Variants in NECAP1 observed in about 807,000 individuals in gnomAD.
NECAP1 encodes NECAP endocytosis associated 1, also known as adaptin ear-binding coat-associated protein 1.
In NECAP1, 13 loss-of-function variants were observed where a neutral mutation model predicts 33.4. The observed-to-expected ratio is 0.39, with a 90% CI of 0.25 to 0.62. NECAP1 has a LOEUF of 0.62. Ranked by LOEUF, NECAP1 falls within the 20% of genes least tolerant of loss-of-function variation. The pLI is 0.52. For missense variants in NECAP1, 272 were observed against 347.4 expected, an observed-to-expected ratio of 0.78 and a Z score of 1.73; for synonymous variants, 109 against 125.2, an observed-to-expected ratio of 0.87 and a Z score of 0.86.
chr12:8,091,726 A>G (rs1294725146), intron 3 of NECAP1, 43 bp from the exon 4 acceptor site: 5 of 1,589,520 alleles, frequency 3.1e-6, no homozygotes, highest in Non-Finnish European at 4.3e-6. Context: ...GGCTCCTGCC[A>G]TAGAGGATAC....
intron 1 of NECAP1, among the ~76,000 whole-genome samples, chr12:8,084,615 A>C (rs546664566): frequency 9.3e-4 from 140 of 150,972 alleles, no homozygotes; most frequent in Admixed American, 2.4e-3. Context: ...TCACTGTTCA[A>C]CTCCCACTTG....
chr12:8,090,360 GAA>G (rs1259418859), intron 3 of NECAP1, 61 bp downstream of exon 3: 5 of 1,390,578 alleles, frequency 3.6e-6, no homozygotes, highest in Non-Finnish European at 5.1e-6. Context: ...GCACAGCCAT[GAA>G]AAGTGTTTCC....
chr12:8,093,790 C>A (rs1947571330), intron 6 of NECAP1: 1 of 151,746 alleles, frequency 6.6e-6, no homozygotes, highest in Non-Finnish European at 1.5e-5. Context: ...TAATTACCAC[C>A]CCAAGGTCAT....
At chr12:8,093,375 T>A in intron 6 of NECAP1, 1 of 287,456 alleles carries the variant, frequency 3.5e-6, no homozygotes, top group Non-Finnish European at 6.5e-6. Flanking sequence ...TTGAATGTGC[T>A]TGGTAAACAT....
chr12:8,091,643 C>T (rs936404915), intron 3 of NECAP1, 126 bp from the exon 4 acceptor site: 5 of 748,890 alleles, frequency 6.7e-6, no homozygotes, highest in Non-Finnish European at 1.2e-5. Flanking sequence ...AAGCTTTGCT[C>T]TCTCGTGTGC....
rs766631471 is a variant in NECAP1, at chr12:8,092,639, A to G, written c.384-37A>G. On this transcript the variant is annotated intron_variant, in intron 4 of 7. Coordinates refer to ENST00000339754, the MANE Select transcript of NECAP1 (RefSeq NM_015509.4). ...TTGTATGTCAGACTCTGCTTTCAGG[A>G]AATCTCAAACTAAGATAACTTGCTG... The G allele has an allele frequency of 2.0e-6, 3 of 1,516,606 alleles. No homozygotes were observed. The South Asian group carries it at 3.5e-5, about 18-fold the overall frequency. 93.9% of individuals were successfully genotyped at this position (1,516,606 alleles called of 1,614,324 possible).
At chr12:8,084,040 C>G (rs1056738705) in intron 1 of NECAP1, among the ~76,000 whole-genome samples, 12 of 152,116 alleles carry the variant, frequency 7.9e-5, no homozygotes, top group Non-Finnish European at 1.5e-5. Context: ...CTGCACCTGG[C>G]CAAGATACTG....
At chr12:8,095,724 A>C in intron 7 of NECAP1, 21 bp downstream of exon 7, 1 of 1,570,756 alleles carries the variant, frequency 6.4e-7, no homozygotes, top group Non-Finnish European at 8.8e-7. Flanking sequence ...TAGTGAAACT[A>C]GCATACTCTC....
chr12:8,082,757 T>TTCTCTCTC (rs144432288), intron 1 of NECAP1: 37 of 136,398 alleles, frequency 2.7e-4, no homozygotes, highest in Middle Eastern at 3.0e-3. Context: ...TCCTCATCCT[T>TTCTCTCTC]TCTCTCTCTC....
chr12:8,095,023 G>A (rs1433130332), intron 6 of NECAP1, among the ~76,000 whole-genome samples: 1 of 152,104 alleles, frequency 6.6e-6, no homozygotes, highest in Non-Finnish European at 1.5e-5. Flanking sequence ...TTCCCACTCA[G>A]CATAATTCCC....
intron 7 of NECAP1, 82 bp downstream of exon 7, chr12:8,095,785 A>G: frequency 7.3e-7 from 1 of 1,372,660 alleles, no homozygotes; most frequent in South Asian, 1.2e-5. Flanking sequence ...TGATCTGGAG[A>G]AGCAATGGAT....
rs746163839 is a variant in NECAP1 at position 8,090,801 on chromosome 12, C to CA, written c.301+516dup. On this transcript the variant is annotated intron_variant, in intron 3 of 7. Transcript: ENST00000339754. ...GGGCAACAAGAGCAAAACTCCATCT[C>CA]AAAAAAAAAAAAAAGAATGAACACT... is the stretch of plus-strand genomic sequence containing the variant. 8.9e-3 allele frequency: 1,150 copies of CA among 129,170 alleles called. 7 individuals carry two copies. The highest frequency in any genetic ancestry group is 0.021 in the African/African-American group (728 of 34,838). 8.0% of individuals were successfully genotyped at this position (129,170 alleles called of 1,614,324 possible).
chr12:8,096,379 T>C lies in NECAP1; in HGVS notation c.*289T>C. 6.0e-6 allele frequency: 2 copies of C among 332,732 alleles called. No homozygotes were observed. The highest frequency in any genetic ancestry group is 1.1e-5 in the Non-Finnish European group (2 of 181,630). 20.6% of individuals were successfully genotyped at this position (332,732 alleles called of 1,614,324 possible). ...GCAGGGCTTAAAAGGCCAGCGTCTGTTTGAGGGGGAATGACCTCTAACATC... is the reference window on the plus strand; with the variant it reads ...GCAGGGCTTAAAAGGCCAGCGTCTGCTTGAGGGGGAATGACCTCTAACATC... On this transcript the variant is annotated 3_prime_UTR_variant, in exon 8 of 8. Transcript: ENST00000339754.
intron 6 of NECAP1, 96 bp downstream of exon 6, chr12:8,093,151 T>C: frequency 8.1e-7 from 1 of 1,240,150 alleles, no homozygotes; most frequent in Non-Finnish European, 1.2e-6. Context: ...TGCTATGAAA[T>C]AGCTCATGGT....
In NECAP1 at chr12:8,092,566, C is replaced by A. The variant is rs1947559800; in HGVS notation, c.384-110C>A. The A allele has an allele frequency of 3.6e-5, 26 of 724,330 alleles. 1 individual carries two copies. The South Asian group carries it at 5.4e-4, about 15-fold the overall frequency. The allele number at this position is 724,330 out of a possible 1,614,324, so 44.9% of individuals were successfully genotyped here. ...CTGTTTCTCACTCTTTTTTATCTCTCACTGTGTTTTCTGGAATCTCATTTC... is the reference window on the plus strand; with the variant it reads ...CTGTTTCTCACTCTTTTTTATCTCTAACTGTGTTTTCTGGAATCTCATTTC... On this transcript the variant is annotated intron_variant, in intron 4 of 7. Coordinates refer to ENST00000339754, the MANE Select transcript of NECAP1 (RefSeq NM_015509.4).
At chr12:8,089,251 T>G (rs1233231084) in intron 1 of NECAP1, 1 of 152,170 alleles carries the variant, frequency 6.6e-6, no homozygotes, top group African/African-American at 2.4e-5. Flanking sequence ...ATTTACTGAT[T>G]TGGGAGGGCT....
chr12:8,084,587 C>G (rs1216804527), intron 1 of NECAP1, among the ~76,000 whole-genome samples: 1 of 152,012 alleles, frequency 6.6e-6, no homozygotes, highest in Admixed American at 6.6e-5. Flanking sequence ...TTGTTCCCCT[C>G]CCTGTGCCCA....
At position 8,082,364 on chromosome 12, in the gene NECAP1, G is replaced by A; in HGVS notation, c.76G>A (p.Ala26Thr). 1.2e-6 allele frequency: 2 copies of A among 1,613,722 alleles called. No homozygotes were observed. The highest frequency in any genetic ancestry group is 1.7e-6 in the Non-Finnish European group (2 of 1,179,656). The change falls in exon 1 of 8, where the codon GCC becomes ACC. Residue 26 changes from alanine (A) to threonine (T), a missense_variant. Ala to Thr is a moderately conservative substitution (Grantham distance 58). Coordinates refer to ENST00000339754, the MANE Select transcript of NECAP1 (RefSeq NM_015509.4). ...CAGCGTCTACCGGATTCCGCCCCGG[G>A]CCTCCAACCGCGGTTACAGGTACTA... ...DVSVYRIPPR[A>T]SNRGYRASDW...
intron 6 of NECAP1, 179 bp downstream of exon 6, chr12:8,093,234 T>C (rs1226829566): frequency 4.0e-5 from 23 of 570,884 alleles, no homozygotes. Flanking sequence ...TCATAGTATC[T>C]CATAGGTTCT....
Sources: gnomAD v4.1 joint callset for allele counts (sites outside exome capture counted in the v4.1 genomes callset) on GRCh38, gnomAD v4.1.1 for gene constraint, MANE v1.5 for transcripts, NCBI Gene and HGNC (gene_info 2026-07-23, HGNC 2026-07-21) for gene names.